ANO4: variants seen among roughly 807,000 people sequenced by gnomAD.
ANO4 encodes anoctamin 4, also known as anoctamin-4.
In ANO4, 69 loss-of-function variants were observed where a neutral mutation model predicts 141.9. The ratio of observed to expected loss-of-function variants is 0.49; its 90% CI spans 0.40 to 0.59. ANO4 has a LOEUF of 0.59. Among genes scored for constraint, ANO4 ranks in the 20% least tolerant of loss-of-function variants. ANO4 has a pLI of 0.00. For missense variants in ANO4, 894 were observed against 1,162.2 expected (o/e 0.77, Z 3.36); for synonymous variants, 350 against 394.3 (o/e 0.89, Z 1.33).
intron 1 of ANO4, among the ~76,000 whole-genome samples, chr12:100,840,300 A>G (rs769708756): frequency 1.1e-4 from 16 of 152,074 alleles, no homozygotes; most frequent in Non-Finnish European, 1.9e-4. Context: ...GGTTCTTGTA[A>G]GTGTTGAAAG....
At chr12:100,795,610 G>T (rs576556030) in intron 1 of ANO4, among the ~76,000 whole-genome samples, 1 of 152,144 alleles carries the variant, frequency 6.6e-6, no homozygotes, top group African/African-American at 2.4e-5. Context: ...GCTGGCAGAC[G>T]GAGTAGACTG....
At chr12:101,097,797 C>T (rs369697691) in intron 20 of ANO4, 51 bp from the exon 21 acceptor site, 7 of 1,606,426 alleles carry the variant, frequency 4.4e-6, no homozygotes, top group Non-Finnish European at 6.0e-6. Context: ...ACCAGACACC[C>T]TTTCTTCCTC....
chr12:101,033,118 C>A (rs2136566131), intron 9 of ANO4, among the ~76,000 whole-genome samples: 1 of 152,292 alleles, frequency 6.6e-6, no homozygotes, highest in African/African-American at 2.4e-5. Flanking sequence ...ACATATACAC[C>A]ATGGAATACT....
intron 1 of ANO4, among the ~76,000 whole-genome samples, chr12:100,861,109 G>T (rs1393089920): frequency 6.6e-6 from 1 of 152,192 alleles, no homozygotes; most frequent in Non-Finnish European, 1.5e-5. Context: ...ATGTCCTGCT[G>T]ATTGGTCCGT....
intron 1 of ANO4, among the ~76,000 whole-genome samples, chr12:100,839,555 T>C (rs2037127809): frequency 6.6e-6 from 1 of 152,212 alleles, no homozygotes; most frequent in Admixed American, 6.5e-5. Flanking sequence ...ATTGGCCTTT[T>C]TTTCATTCCC....
intron 8 of ANO4, among the ~76,000 whole-genome samples, chr12:101,003,236 G>A (rs1045128177): frequency 2.0e-5 from 3 of 152,226 alleles, no homozygotes; most frequent in Admixed American, 6.5e-5. Context: ...TGTTAGCAAC[G>A]GGTCAACTGA....
chr12:100,925,408 A>G (rs1023101662), intron 3 of ANO4, among the ~76,000 whole-genome samples: 11 of 151,726 alleles, frequency 7.2e-5, no homozygotes, highest in African/African-American at 2.4e-4. Context: ...ACTCCCACTT[A>G]TAAGTGAGAA....
intron 17 of ANO4, among the ~76,000 whole-genome samples, chr12:101,087,697 A>G (rs1467905075): frequency 6.6e-6 from 1 of 152,036 alleles, no homozygotes; most frequent in Non-Finnish European, 1.5e-5. Flanking sequence ...CTGCTTGACC[A>G]TCTCCACCTA....
At chr12:101,062,329 G>A (rs1593163211) in intron 14 of ANO4, among the ~76,000 whole-genome samples, 1 of 152,224 alleles carries the variant, frequency 6.6e-6, no homozygotes, top group East Asian at 1.9e-4. Context: ...GACCCCTGCT[G>A]GGAGGTGTCT....
chr12:100,790,300 G>T (rs1448378962), upstream of ANO4, among the ~76,000 whole-genome samples: 1 of 152,192 alleles, frequency 6.6e-6, no homozygotes, highest in Non-Finnish European at 1.5e-5. Context: ...TCCCAGACCT[G>T]TTACAAGGGG....
intron 3 of ANO4, among the ~76,000 whole-genome samples, chr12:100,781,530 G>A (rs2033710917): frequency 6.6e-6 from 1 of 152,090 alleles, no homozygotes; most frequent in Admixed American, 6.5e-5. Context: ...TCTGATTTAA[G>A]TCTGTAATCA....
intron 1 of ANO4, among the ~76,000 whole-genome samples, chr12:100,828,076 C>G (rs181276295): frequency 6.6e-6 from 1 of 152,026 alleles, no homozygotes; most frequent in Non-Finnish European, 1.5e-5. Flanking sequence ...TTAATGTGCA[C>G]CAGCCACTAG....
intron 5 of ANO4, among the ~76,000 whole-genome samples, chr12:100,960,055 C>G (rs1180923547): frequency 6.6e-6 from 1 of 152,076 alleles, no homozygotes; most frequent in Non-Finnish European, 1.5e-5. Flanking sequence ...AAACACAAAT[C>G]ACACACCAGA....
Position 101,111,665 on chromosome 12 carries a change from C to T in ANO4, c.2405C>T (p.Ala802Val). The T allele has an allele frequency of 2.5e-6, 4 of 1,613,030 alleles. No individual in the cohort carries two copies. Among genetic ancestry groups the T allele is most frequent in the Non-Finnish European group, 3.4e-6 (4 of 1,179,554 alleles). Residue 802 changes from alanine (A) to valine (V), a missense_variant, in exon 24 of 28, where the codon GCT becomes GTT. Around this residue, in one of 2 missense-constraint regions of ANO4, gnomAD observed 637 missense variants for 909.2 expected, o/e 0.70. Transcript: ENST00000392977. ...TSDFIPRLVY[A>V]YKYGPCAGQG... The stretch of plus-strand genomic sequence containing the variant: ...GACTTTATCCCTCGCTTGGTGTATG[C>T]TTATAAGTATGGACCTTGTGCAGGC...
At chr12:100,814,148 C>T (rs554477301) in intron 1 of ANO4, among the ~76,000 whole-genome samples, 18 of 152,196 alleles carry the variant, frequency 1.2e-4, no homozygotes, top group East Asian at 5.8e-4. Flanking sequence ...TTCTCGAAAA[C>T]GGTATACTAT....
intron 3 of ANO4, among the ~76,000 whole-genome samples, chr12:100,747,750 G>A (rs569070644): frequency 6.6e-6 from 1 of 152,350 alleles, no homozygotes; most frequent in South Asian, 2.1e-4. Context: ...GCATGTGCCT[G>A]TAGTCCCAGC....
intron 1 of ANO4, among the ~76,000 whole-genome samples, chr12:100,900,149 A>G (rs147325111): frequency 2.4e-4 from 36 of 152,314 alleles, no homozygotes; most frequent in Admixed American, 1.0e-3. Context: ...AGAAATACTA[A>G]TATTACAGGT....
At chr12:100,768,173 G>T (rs1443582191) in intron 3 of ANO4, among the ~76,000 whole-genome samples, 2 of 152,182 alleles carry the variant, frequency 1.3e-5, no homozygotes, top group Non-Finnish European at 2.9e-5. Context: ...TTGGATCCTG[G>T]GGCCATAGGG....
intron 26 of ANO4, among the ~76,000 whole-genome samples, chr12:101,125,625 A>G (rs531575581): frequency 3.9e-5 from 6 of 152,282 alleles, no homozygotes; most frequent in Non-Finnish European, 8.8e-5. Context: ...TTCTGCAGCT[A>G]TTGAGATAAT....
Sources: gnomAD v4.1 joint callset for allele counts (sites outside exome capture counted in the v4.1 genomes callset) on GRCh38, gnomAD v4.1.1 for gene constraint, gnomAD v4.1.1 regional missense constraint, MANE v1.5 for transcripts, NCBI Gene and HGNC (gene_info 2026-07-23, HGNC 2026-07-21) for gene names.